The following SLC25A37 variants were observed in gnomAD, a reference collection of about 807,000 sequenced individuals.
SLC25A37 encodes the protein mitoferrin-1.
In SLC25A37, 17 loss-of-function variants were observed where a neutral mutation model predicts 31.0. The ratio of observed to expected loss-of-function variants is 0.55; its 90% CI spans 0.38 to 0.82. The LOEUF (loss-of-function observed/expected upper bound fraction) is 0.82. Ranked by LOEUF, SLC25A37 falls within the 40% of genes least tolerant of loss-of-function variation. The probability of loss-of-function intolerance (pLI) is 0.00; values close to 1 mark genes in which losing one functional copy is unlikely to be tolerated. For synonymous variants in SLC25A37, 222 were observed against 193.0 expected (o/e 1.15, Z -1.24); for missense variants, 404 against 465.8 (o/e 0.87, Z 1.22).
chr8:23,559,028 T>C lies in SLC25A37; in HGVS notation c.211-7080T>C, dbSNP rs116384895. Among the ~76,000 whole-genome samples, 384 of 152,344 alleles carry C rather than the reference T, an allele frequency of 2.5e-3. 3 individuals are homozygous for C. Among genetic ancestry groups the C allele is most frequent in the African/African-American group, 8.7e-3 (361 of 41,580 alleles). ...GCTGCTTCAAGGGCATAGGTTCCCA[T>C]TGGCTACGGCTGTGTTTTCACACGT... is the stretch of plus-strand genomic sequence containing the variant. On this transcript the variant is annotated intron_variant, in intron 1 of 3. Coordinates refer to ENST00000519973, the MANE Select transcript of SLC25A37 (RefSeq NM_016612.4).
chr8:23,533,721 TC>T (rs1467160093), intron 1 of SLC25A37, among the ~76,000 whole-genome samples: 1 of 152,208 alleles, frequency 6.6e-6, no homozygotes, highest in Non-Finnish European at 1.5e-5. Flanking sequence ...CGGAACCTTT[TC>T]TTGTCAAAGA....
At position 23,573,867 on chromosome 8, in the gene SLC25A37, G is replaced by A; in HGVS notation, c.*2012G>A. 1 of 456,732 alleles carries A rather than the reference G, an allele frequency of 2.2e-6. No individual in the cohort carries two copies. The highest frequency in any genetic ancestry group is 4.4e-6 in the Non-Finnish European group (1 of 226,984). The allele number at this position is 456,732 out of a possible 1,614,324, so 28.3% of individuals were successfully genotyped here. On this transcript the variant is annotated 3_prime_UTR_variant, in exon 4 of 4. Transcript: ENST00000519973. ...CAGTTGCAGCCTCAACCCACATGGG[G>A]ATGTAGAAAGCCGTAAAGTCCACGC...
At chr8:23,549,902 G>A (rs1802176804) in intron 1 of SLC25A37, among the ~76,000 whole-genome samples, 1 of 138,736 alleles carries the variant, frequency 7.2e-6, no homozygotes, top group African/African-American at 3.2e-5. Flanking sequence ...CAGATCCACA[G>A]CAGGCAGAAT....
rs776912659 is a variant in SLC25A37 at position 23,574,151 on chromosome 8, T to C, written c.*2296T>C. The C allele has an allele frequency of 2.0e-5, 6 of 299,080 alleles. No individual in the cohort carries two copies. The highest frequency in any genetic ancestry group is 4.0e-5 in the Non-Finnish European group (6 of 148,750). The allele number at this position is 299,080 out of a possible 1,614,324, so 18.5% of individuals were successfully genotyped here. The stretch of plus-strand genomic sequence containing the variant: ...CTTGATTTCTCTAGGAGCACTCCTT[T>C]GGTTAGAGGGATGCAAGAAGGAGAG... On this transcript the variant is annotated 3_prime_UTR_variant, in exon 4 of 4. Transcript: ENST00000519973.
At chr8:23,539,300 C>T (rs114632135) in intron 1 of SLC25A37, among the ~76,000 whole-genome samples, 1,628 of 146,618 alleles carry the variant, frequency 0.011, 31 homozygotes, top group Non-Finnish European at 0.01. Context: ...CCGGGTCCAC[C>T]GAGCCTCTGG....
rs1802901705 is a variant in SLC25A37, at chr8:23,572,974, C to G, written c.*1119C>G. 2 of 152,274 alleles carry G rather than the reference C, an allele frequency of 1.3e-5. No homozygotes were observed. The highest frequency in any genetic ancestry group is 2.4e-5 in the African/African-American group (1 of 41,448). The allele number at this position is 152,274 out of a possible 1,614,324, so 9.4% of individuals were successfully genotyped here. A position where few individuals can be genotyped will look rare whatever the true frequency, so the allele number is the denominator to read the frequency against. On this transcript the variant is annotated 3_prime_UTR_variant, in exon 4 of 4. Coordinates refer to ENST00000519973, the MANE Select transcript of SLC25A37 (RefSeq NM_016612.4). The stretch of plus-strand genomic sequence containing the variant: ...ATCCTAGGACTTATTTCTGCATCAG[C>G]CTTTTAACTCAGGCACTTCAGGTAA...
intron 1 of SLC25A37, among the ~76,000 whole-genome samples, chr8:23,554,364 A>G (rs2928667): frequency 0.47 from 71,265 of 152,002 alleles, 17,165 homozygotes; most frequent in African/African-American, 0.58. Flanking sequence ...GCAGGGCAGG[A>G]CAGGGAAGCT....
Position 23,571,974 on chromosome 8 carries a change from C to T in SLC25A37, c.*119C>T. 2.7e-6 allele frequency: 3 copies of T among 1,129,232 alleles called. No individual in the cohort carries two copies. The highest frequency in any genetic ancestry group is 3.2e-5 in the South Asian group (2 of 62,854). 70.0% of individuals were successfully genotyped at this position (1,129,232 alleles called of 1,614,324 possible). ...GGGTGCTGCCTATGGGCCCTCTGCT[C>T]CCCAATGCCTTAGAGAGAGGAGGGG... On this transcript the variant is annotated 3_prime_UTR_variant, in exon 4 of 4. Coordinates refer to ENST00000519973, the MANE Select transcript of SLC25A37 (RefSeq NM_016612.4).
intron 1 of SLC25A37, among the ~76,000 whole-genome samples, chr8:23,539,103 G>C (rs1801837540): frequency 1.3e-5 from 2 of 152,194 alleles, no homozygotes; most frequent in Non-Finnish European, 2.9e-5. Context: ...CCGTTGTCGG[G>C]TACTAAGAGG....
intron 1 of SLC25A37, among the ~76,000 whole-genome samples, chr8:23,536,038 G>A (rs1005399152): frequency 5.9e-5 from 9 of 152,158 alleles, no homozygotes; most frequent in African/African-American, 2.2e-4. Context: ...GGCAACATAT[G>A]TAAAGTTCTT....
In SLC25A37 at chr8:23,566,721, A is replaced by C. The variant is rs1236010928; in HGVS notation, c.439+385A>C. On this transcript the variant is annotated intron_variant, in intron 2 of 3. Transcript: ENST00000519973. ...AACTTTTGAATGCTGGATTCAAAAA[A>C]AAAAAAAAGTTATCTGGACAGCTTC... is the stretch of plus-strand genomic sequence containing the variant. 3.0e-6 allele frequency: 3 copies of C among 1,002,764 alleles called. No homozygotes were observed. The African/African-American group carries it at 5.2e-5, about 17-fold the overall frequency. 62.1% of individuals were successfully genotyped at this position (1,002,764 alleles called of 1,614,324 possible).
intron 1 of SLC25A37, among the ~76,000 whole-genome samples, chr8:23,530,515 G>T (rs1222114495): frequency 3.9e-5 from 6 of 152,248 alleles, no homozygotes; most frequent in Admixed American, 3.3e-4. Context: ...GGCTTCCAAG[G>T]TGCTGCTGGA....
At chr8:23,557,978 C>T (rs967646782) in intron 1 of SLC25A37, among the ~76,000 whole-genome samples, 3 of 152,126 alleles carry the variant, frequency 2.0e-5, no homozygotes, top group African/African-American at 7.2e-5. Flanking sequence ...GCCCTGGGCC[C>T]CCCTGGAGTT....
chr8:23,544,378 T>A (rs1801980002), intron 1 of SLC25A37, among the ~76,000 whole-genome samples: 2 of 152,140 alleles, frequency 1.3e-5, no homozygotes, highest in South Asian at 4.1e-4. Context: ...TAACAATGCA[T>A]ATCTCAGAAC....
chr8:23,547,834 TG>T, intron 1 of SLC25A37, among the ~76,000 whole-genome samples: 1 of 152,244 alleles, frequency 6.6e-6, no homozygotes, highest in Admixed American at 6.5e-5. Context: ...ACAGAAATGC[TG>T]AACGGCCACA....
rs11779370 is a variant in SLC25A37 at position 23,574,187 on chromosome 8, C to G, written c.*2332C>G. 18,501 of 254,714 alleles carry G rather than the reference C, an allele frequency of 0.073. 871 individuals are homozygous for G. Among genetic ancestry groups the G allele is most frequent in the African/African-American group, 0.14 (6,265 of 44,714 alleles). The allele number at this position is 254,714 out of a possible 1,614,324, so 15.8% of individuals were successfully genotyped here. On this transcript the variant is annotated 3_prime_UTR_variant, in exon 4 of 4. Transcript: ENST00000519973. ...ATGCAAGAAGGAGAGGTGAAGGTGG[C>G]GTGTGGTGGCTCATGCCTGTAATCC...
chr8:23,556,705 A>G (rs1032713103), intron 1 of SLC25A37, among the ~76,000 whole-genome samples: 1 of 151,902 alleles, frequency 6.6e-6, no homozygotes, highest in South Asian at 2.1e-4. Context: ...AGTTTGGGAG[A>G]TGTTAGAAAA....
chr8:23,542,073 T>C (rs1801908127), intron 1 of SLC25A37, among the ~76,000 whole-genome samples: 1 of 152,244 alleles, frequency 6.6e-6, no homozygotes, highest in Non-Finnish European at 1.5e-5. Flanking sequence ...ATTGAATGAC[T>C]GAATTACAGT....
rs1459471880 is a variant in SLC25A37, at chr8:23,575,014, TCCC to T, written c.*3161_*3163del. On this transcript the variant is annotated 3_prime_UTR_variant, in exon 4 of 4. Transcript: ENST00000519973. ...TTTTTTCCAAATGGGTGAAATCTTC[TCCC>T]CATGACTATGTTTTCTTAACTTTGC... 1.3e-5 allele frequency: 2 copies of T among 152,248 alleles called. No individual in the cohort carries two copies. The highest frequency in any genetic ancestry group is 4.8e-5 in the African/African-American group (2 of 41,458). 9.4% of individuals were successfully genotyped at this position (152,248 alleles called of 1,614,324 possible).
Sources: gnomAD v4.1 joint callset for allele counts (sites outside exome capture counted in the v4.1 genomes callset) on GRCh38, gnomAD v4.1.1 for gene constraint, MANE v1.5 for transcripts, NCBI Gene and HGNC (gene_info 2026-07-23, HGNC 2026-07-21) for gene names.